Variants in PTPRG observed in about 807,000 individuals in gnomAD.
The protein encoded by PTPRG is receptor-type tyrosine-protein phosphatase gamma.
A neutral mutation model predicts 165.3 loss-of-function variants in PTPRG; 102 were observed. The observed-to-expected ratio is 0.62, with a 90% CI of 0.53 to 0.73. The LOEUF is 0.73. Among genes scored for constraint, PTPRG ranks in the 30% least tolerant of loss-of-function variants. The pLI, the probability that PTPRG is intolerant of heterozygous loss-of-function variation, is 0.00. For synonymous variants in PTPRG, 675 were observed against 669.5 expected, an observed-to-expected ratio of 1.01 and a Z score of -0.13; for missense variants, 1,866 against 1,861.4, an observed-to-expected ratio of 1.00 and a Z score of -0.05.
chr3:62,008,849 T>C (rs958182043), intron 4 of PTPRG, among the ~76,000 whole-genome samples: 1 of 152,160 alleles, frequency 6.6e-6, no homozygotes, highest in East Asian at 1.9e-4. Flanking sequence ...GAGGCAGAGC[T>C]CAGGTGGTAA....
intron 2 of PTPRG, among the ~76,000 whole-genome samples, chr3:61,761,723 C>G (rs1481038187): frequency 1.3e-5 from 2 of 152,178 alleles, no homozygotes; most frequent in Non-Finnish European, 2.9e-5. Flanking sequence ...GCCACTTAAT[C>G]CAGATTTCCT....
chr3:61,743,546 T>C (rs1053983819), intron 1 of PTPRG, among the ~76,000 whole-genome samples: 12 of 152,270 alleles, frequency 7.9e-5, no homozygotes, highest in Admixed American at 3.9e-4. Context: ...TCATTAGAGA[T>C]GACCTCTTTG....
intron 4 of PTPRG, among the ~76,000 whole-genome samples, chr3:62,033,575 C>T (rs556871990): frequency 9.6e-4 from 141 of 146,970 alleles, no homozygotes; most frequent in African/African-American, 3.2e-3. Flanking sequence ...CTGTGTTCCA[C>T]GCTGGTCTTG....
chr3:61,816,445 TC>T, intron 2 of PTPRG, among the ~76,000 whole-genome samples: 1 of 152,120 alleles, frequency 6.6e-6, no homozygotes, highest in Non-Finnish European at 1.5e-5. Flanking sequence ...GGCAGGGGAA[TC>T]ACTTGAACCC....
Position 61,735,319 on chromosome 3 carries a change from C to T in PTPRG, c.86-13559C>T, listed in dbSNP as rs528468917. Among the ~76,000 whole-genome samples the T allele has an allele frequency of 1.8e-4, 28 of 152,208 alleles. No homozygotes were observed. The South Asian group carries it at 1.9e-3, about 10-fold the overall frequency. ...TTGTGTTATTTCAAGTTAATAACTCCTCTTCAAGCAAAGCAAAATGCAAGA... is the reference window on the plus strand; with the variant it reads ...TTGTGTTATTTCAAGTTAATAACTCTTCTTCAAGCAAAGCAAAATGCAAGA... On this transcript the variant is annotated intron_variant, in intron 1 of 29. Coordinates refer to ENST00000474889, the MANE Select transcript of PTPRG (RefSeq NM_002841.4).
At chr3:61,624,749 C>T (rs1231063666) in intron 1 of PTPRG, among the ~76,000 whole-genome samples, 1 of 151,768 alleles carries the variant, frequency 6.6e-6, no homozygotes, top group African/African-American at 2.4e-5. Flanking sequence ...AGTGATAGTG[C>T]ATACACAGTA....
At chr3:61,710,960 C>T (rs1326240803) in intron 1 of PTPRG, among the ~76,000 whole-genome samples, 1 of 151,960 alleles carries the variant, frequency 6.6e-6, no homozygotes, top group Admixed American at 6.6e-5. Context: ...TGTGATGTTC[C>T]CCTCCCTGTG....
rs1702978882 is a variant in PTPRG at position 61,671,288 on chromosome 3, C to T, written c.86-77590C>T. ...TTTCCTAGGCAGAGGACCCTGCGGC[C>T]TTCTGCAGTGTTTGTGTCCCTGGGT... On this transcript the variant is annotated intron_variant, in intron 1 of 29. Coordinates refer to ENST00000474889, the MANE Select transcript of PTPRG (RefSeq NM_002841.4). Among the ~76,000 whole-genome samples the T allele has an allele frequency of 2.0e-5, 3 of 151,718 alleles. No homozygotes were observed. The South Asian group carries it at 6.3e-4, about 32-fold the overall frequency.
intron 4 of PTPRG, among the ~76,000 whole-genome samples, chr3:62,036,725 AG>A (rs1283009107): frequency 8.5e-5 from 13 of 152,224 alleles, no homozygotes; most frequent in Admixed American, 8.5e-4. Context: ...AAAAGGAAGC[AG>A]TGTAAATAAA....
Position 62,233,494 on chromosome 3 carries a change from C to A in PTPRG, c.2375+2183C>A, listed in dbSNP as rs1353961954. On this transcript the variant is annotated intron_variant, in intron 14 of 29. Coordinates refer to ENST00000474889, the MANE Select transcript of PTPRG (RefSeq NM_002841.4). This position sits in a 1 kb window ranked among gnomAD's most constrained non-coding sequence, Gnocchi z 4.7. ...CTTCTGCAGGAGGCTGGAATGCAAG[C>A]CCTTCAACCAGGCTCTCTCTCACCT... Among the ~76,000 whole-genome samples the A allele has an allele frequency of 6.6e-6, 1 of 152,162 alleles. No individual in the cohort carries two copies. The highest frequency in any genetic ancestry group is 1.5e-5 in the Non-Finnish European group (1 of 68,020).
In PTPRG at chr3:61,705,696, T is replaced by C; in HGVS notation, c.86-43182T>C. 1.3e-5 allele frequency among the ~76,000 whole-genome samples: 2 copies of C among 152,162 alleles called. 1 individual carries two copies. Among genetic ancestry groups the C allele is most frequent in the Non-Finnish European group, 2.9e-5 (2 of 68,030 alleles). On this transcript the variant is annotated intron_variant, in intron 1 of 29. Transcript: ENST00000474889. Reference sequence around the variant, plus strand: ...CGGGAACGATGTCATCATAGGCTGGTCCATTTGTTTCACTGCACATAGTAG... The same window carrying C: ...CGGGAACGATGTCATCATAGGCTGGCCCATTTGTTTCACTGCACATAGTAG...
chr3:61,715,245 G>A (rs2031754568), intron 1 of PTPRG, among the ~76,000 whole-genome samples: 2 of 148,092 alleles, frequency 1.4e-5, no homozygotes, highest in Admixed American at 6.8e-5. Context: ...AGTCAGGGTT[G>A]TCCTGTCTTT....
Position 62,292,582 on chromosome 3 carries a change from C to T in PTPRG, c.4191+26C>T, listed in dbSNP as rs749701820. On this transcript the variant is annotated intron_variant, in intron 29 of 29. Coordinates refer to ENST00000474889, the MANE Select transcript of PTPRG (RefSeq NM_002841.4). The stretch of plus-strand genomic sequence containing the variant: ...GTAAGTAGTTTGCTTATGTGTAAAA[C>T]CTGTACTACATCAGTTGAAACTCAG... 104 of 1,608,922 alleles carry T rather than the reference C, an allele frequency of 6.5e-5. No homozygotes were observed. The East Asian group carries it at 1.2e-3, about 19-fold the overall frequency.
At chr3:61,768,413 G>T (rs1237107393) in intron 2 of PTPRG, among the ~76,000 whole-genome samples, 3 of 152,190 alleles carry the variant, frequency 2.0e-5, no homozygotes, top group African/African-American at 7.2e-5. Context: ...TGCACAAAAA[G>T]AATGTCATCA....
intron 5 of PTPRG, among the ~76,000 whole-genome samples, chr3:62,083,652 A>G (rs994059616): frequency 4.6e-5 from 7 of 152,230 alleles, no homozygotes; most frequent in African/African-American, 1.7e-4. Flanking sequence ...TAGAAGAAAG[A>G]GTACCCAATA....
chr3:62,023,090 A>G (rs1245751915), intron 4 of PTPRG, among the ~76,000 whole-genome samples: 1 of 152,146 alleles, frequency 6.6e-6, no homozygotes, highest in Non-Finnish European at 1.5e-5. Context: ...ATATATTATG[A>G]CTAAATTACT....
intron 7 of PTPRG, among the ~76,000 whole-genome samples, chr3:62,162,508 G>T (rs1294372604): frequency 6.6e-6 from 1 of 152,196 alleles, no homozygotes; most frequent in African/African-American, 2.4e-5. Flanking sequence ...TGTGGCAAAG[G>T]ATCAGCCAAG....
chr3:62,282,158 T>C (rs1403842610), intron 27 of PTPRG, among the ~76,000 whole-genome samples: 4 of 151,904 alleles, frequency 2.6e-5, no homozygotes, highest in Admixed American at 1.3e-4. Flanking sequence ...AATAAGAAAA[T>C]AGAGTAGGAT....
chr3:62,180,547 C>T (rs1370176643), intron 8 of PTPRG, among the ~76,000 whole-genome samples: 10 of 152,124 alleles, frequency 6.6e-5, no homozygotes, highest in African/African-American at 2.2e-4. Flanking sequence ...GGGATAGGTC[C>T]GCTTTGCTCT....
Sources: gnomAD v4.1 joint callset for allele counts (sites outside exome capture counted in the v4.1 genomes callset) on GRCh38, gnomAD v4.1.1 for gene constraint, Gnocchi (gnomAD v3.1) non-coding constraint, MANE v1.5 for transcripts, NCBI Gene and HGNC (gene_info 2026-07-23, HGNC 2026-07-21) for gene names.